The following DTL variants were observed in gnomAD, a reference collection of about 807,000 sequenced individuals.
DTL encodes denticleless E3 ubiquitin protein ligase adapter, also known as denticleless protein homolog.
A neutral mutation model predicts 87.0 loss-of-function variants in DTL; 46 were observed. The observed-to-expected ratio is 0.53, with a 90% confidence interval of 0.42 to 0.68. DTL has a LOEUF of 0.68. Ranked by LOEUF, DTL falls within the 30% of genes least tolerant of loss-of-function variation. The pLI is 0.00. For missense variants in DTL, 737 were observed against 869.4 expected, an observed-to-expected ratio of 0.85 and a Z score of 1.91; for synonymous variants, 308 against 311.2, an observed-to-expected ratio of 0.99 and a Z score of 0.11.
Position 212,100,755 on chromosome 1 carries a change from T to C in DTL, c.1765T>C (p.Cys589Arg), listed in dbSNP as rs1655597125. The change falls in exon 14 of 15, where the codon TGC (cysteine) becomes CGC (arginine). Residue 589 changes from cysteine to arginine, a missense_variant. Transcript: ENST00000366991. ...AGTTGAAAATCTTCATTTGGATCTG[T>C]GCTGCCTTGCTGGTAACCAGGAAGA... ...GQVENLHLDL[C>R]CLAGNQEDLS... is the part of the protein sequence containing the mutation. 5 of 1,614,078 alleles carry C rather than the reference T, an allele frequency of 3.1e-6. No homozygotes were observed. The highest frequency in any genetic ancestry group is 1.3e-5 in the African/African-American group (1 of 74,924).
chr1:212,055,011 C>T (rs1297868853), intron 5 of DTL, among the ~76,000 whole-genome samples: 1 of 152,166 alleles, frequency 6.6e-6, no homozygotes, highest in African/African-American at 2.4e-5. Flanking sequence ...ACATGGCTGA[C>T]TAGATGCATC....
chr1:212,047,443 T>G, intron 5 of DTL, 26 bp downstream of exon 5: 1 of 1,613,968 alleles, frequency 6.2e-7, no homozygotes, highest in South Asian at 1.1e-5. Context: ...TCTTCTTTCA[T>G]CTCCTTAACC....
At chr1:212,093,201 C>T (rs757499423) in intron 13 of DTL, among the ~76,000 whole-genome samples, 4 of 152,132 alleles carry the variant, frequency 2.6e-5, no homozygotes, top group Non-Finnish European at 5.9e-5. Context: ...GTGCTCAGAC[C>T]TCTACGGGAG....
chr1:212,038,134 A>G (rs61828539), intron 1 of DTL, among the ~76,000 whole-genome samples: 48,179 of 152,036 alleles, frequency 0.32, 9,006 homozygotes, highest in Middle Eastern at 0.43. Context: ...TAACATACAC[A>G]TCTTTGGCAT....
At chr1:212,057,145 T>C (rs937616092) in intron 5 of DTL, among the ~76,000 whole-genome samples, 4 of 152,006 alleles carry the variant, frequency 2.6e-5, no homozygotes, top group African/African-American at 9.7e-5. Context: ...TACAGGAGGC[T>C]CCAAGATCCC....
At chr1:212,102,319 G>T (rs558320616) in intron 14 of DTL, among the ~76,000 whole-genome samples, 1 of 151,728 alleles carries the variant, frequency 6.6e-6, no homozygotes, top group Non-Finnish European at 1.5e-5. Context: ...TCAGCTATGT[G>T]TTAGCAGAAA....
Position 212,043,138 on chromosome 1 carries a change from G to A in DTL, c.178+20G>A. ...CTTCTGGTAAGAGAATTACTATCTA[G>A]GCAAGGCTTGGACAGAAATGATCTA... On this transcript the variant is annotated intron_variant, in intron 2 of 14. Transcript: ENST00000366991. The A allele has an allele frequency of 6.2e-7, 1 of 1,604,064 alleles. No individual in the cohort carries two copies. Among genetic ancestry groups the A allele is most frequent in the African/African-American group, 1.3e-5 (1 of 74,626 alleles).
chr1:212,078,065 C>A, intron 11 of DTL, 108 bp from the exon 12 acceptor site: 1 of 599,878 alleles, frequency 1.7e-6, no homozygotes, highest in Non-Finnish European at 2.9e-6. Flanking sequence ...GTCTAGTGGC[C>A]TTTGGTAACA....
At chr1:212,074,061 T>C (rs1309417563) in intron 11 of DTL, among the ~76,000 whole-genome samples, 2 of 151,842 alleles carry the variant, frequency 1.3e-5, no homozygotes, top group Admixed American at 6.6e-5. Context: ...AAAAAAAATT[T>C]TTTTTTCCAA....
At chr1:212,093,954 C>A (rs1041840715) in intron 13 of DTL, among the ~76,000 whole-genome samples, 2 of 152,104 alleles carry the variant, frequency 1.3e-5, no homozygotes, top group African/African-American at 4.8e-5. Context: ...CCCTTCCCAG[C>A]ACTCCCGTAT....
intron 3 of DTL, among the ~76,000 whole-genome samples, chr1:212,045,210 A>T (rs947717654): frequency 6.6e-6 from 1 of 152,192 alleles, no homozygotes; most frequent in Non-Finnish European, 1.5e-5. Flanking sequence ...ATAACATGAG[A>T]TTTGGGAAGG....
At chr1:212,041,572 C>A (rs1571937134) in intron 1 of DTL, among the ~76,000 whole-genome samples, 1 of 151,914 alleles carries the variant, frequency 6.6e-6, no homozygotes, top group Non-Finnish European at 1.5e-5. Context: ...GTGGCGAGGT[C>A]TCAGCTCGCG....
chr1:212,059,779 C>CAAAAAAAAAAAAAAAAAAAAAAATAAAA (rs1668286272), intron 5 of DTL, among the ~76,000 whole-genome samples: 1 of 80,224 alleles, frequency 1.2e-5, no homozygotes, highest in African/African-American at 4.8e-5. Flanking sequence ...AAAGACTCTA[C>CAAAAAAAAAAAAAAAAAAAAAAATAAAA]AAAAAAAAAA....
At chr1:212,084,193 CTTTT>C (rs1558087013) in intron 13 of DTL, among the ~76,000 whole-genome samples, 17 of 103,050 alleles carry the variant, frequency 1.6e-4, no homozygotes, top group African/African-American at 6.6e-4. Flanking sequence ...TTTTTAATTT[CTTTT>C]TTTCTTTTCT....
intron 13 of DTL, 46 bp downstream of exon 13, chr1:212,080,796 T>G: frequency 6.2e-7 from 1 of 1,602,734 alleles, no homozygotes; most frequent in Non-Finnish European, 8.5e-7. Flanking sequence ...TTTGACTAGT[T>G]TAGTCCGACA....
intron 13 of DTL, among the ~76,000 whole-genome samples, chr1:212,089,051 A>G (rs1185897354): frequency 6.6e-6 from 1 of 152,218 alleles, no homozygotes; most frequent in Non-Finnish European, 1.5e-5. Context: ...ATGCCACTGC[A>G]CTCCAGCCTG....
chr1:212,043,868 A>C (rs1667731489), intron 2 of DTL, among the ~76,000 whole-genome samples: 2 of 151,458 alleles, frequency 1.3e-5, no homozygotes, highest in Non-Finnish European at 2.9e-5. Context: ...ATTTGTCTCC[A>C]CCCATAATAG....
At chr1:212,065,150 G>T in intron 7 of DTL, 121 bp downstream of exon 7, 3 of 712,530 alleles carry the variant, frequency 4.2e-6, no homozygotes, top group Middle Eastern at 2.5e-4. Context: ...GTGGTTTATT[G>T]CTTATTCAGT....
At chr1:212,071,796 G>A (rs181010809) in intron 10 of DTL, among the ~76,000 whole-genome samples, 1 of 152,296 alleles carries the variant, frequency 6.6e-6, no homozygotes, top group East Asian at 1.9e-4. Flanking sequence ...TTTACTGCAA[G>A]TTGGACATTG....
Sources: allele counts gnomAD v4.1 joint callset (sites outside exome capture counted in the v4.1 genomes callset), GRCh38; gene constraint gnomAD v4.1.1; transcripts MANE v1.5; gene names NCBI Gene and HGNC (gene_info 2026-07-23, HGNC 2026-07-21).